Variants in BRME1 observed in about 807,000 individuals in gnomAD.
BRME1 encodes break repair meiotic recombinase recruitment factor 1.
Under a neutral mutation model 52.6 loss-of-function variants are expected in BRME1, and 31 were observed. The observed-to-expected ratio is 0.59, with a 90% CI of 0.44 to 0.80. BRME1 has a LOEUF of 0.80. Ranked by LOEUF, BRME1 falls within the 30% of genes least tolerant of loss-of-function variation. The pLI is 0.00. For missense variants in BRME1, 804 were observed against 860.3 expected (o/e 0.93, Z 0.82); for synonymous variants, 359 against 353.6 (o/e 1.02, Z -0.17).
intron 3 of BRME1, among the ~76,000 whole-genome samples, chr19:13,894,587 CT>C (rs1011347678): frequency 2.0e-5 from 3 of 152,082 alleles, no homozygotes; most frequent in Admixed American, 6.6e-5. Flanking sequence ...TATTTTATTT[CT>C]TGTAGATATG....
chr19:13,890,468 G>T lies in BRME1; in HGVS notation c.394-6C>A. The T allele has an allele frequency of 6.8e-7, 1 of 1,479,618 alleles. No homozygotes were observed. 91.7% of individuals were successfully genotyped at this position (1,479,618 alleles called of 1,614,324 possible). A position where few individuals can be genotyped will look rare whatever the true frequency, so the allele number is the denominator to read the frequency against. Reference sequence around the variant, plus strand: ...CTGGACTCTGCGATTGTTTCCTGTGGACAGAAAAAGACTCAGCCCCGGGGC... The same window carrying T: ...CTGGACTCTGCGATTGTTTCCTGTGTACAGAAAAAGACTCAGCCCCGGGGC... On this transcript the variant is annotated splice_polypyrimidine_tract_variant and splice_region_variant and intron_variant, in intron 5 of 8. Transcript: ENST00000586783.
At chr19:13,900,700 T>C (rs1430847914) in intron 2 of BRME1, among the ~76,000 whole-genome samples, 3 of 152,152 alleles carry the variant, frequency 2.0e-5, no homozygotes, top group Non-Finnish European at 4.4e-5. Flanking sequence ...GTTCCTTTTT[T>C]TTTTTAGACA....
Position 13,895,401 on chromosome 19 carries a change from G to A in BRME1, c.177C>T (p.His59=), listed in dbSNP as rs771964159. Residue 59 remains histidine, a synonymous_variant, in exon 3 of 9, where the codon CAC becomes CAT. Coordinates refer to ENST00000586783, the MANE Select transcript of BRME1 (RefSeq NM_001345843.2). ...KLGPVPSTQQ[H]GEEPGKAVSS... ...AGACGGCCTTTCCTGGTTCCTCCCC[G>A]TGCTGCTGTGTAGAGGGAACAGGTC... is the stretch of plus-strand genomic sequence containing the variant. 50 of 1,613,708 alleles carry A rather than the reference G, an allele frequency of 3.1e-5. No homozygotes were observed. The highest frequency in any genetic ancestry group is 1.2e-4 in the Admixed American group (7 of 59,962).
chr19:13,900,316 C>T (rs1441277126), intron 2 of BRME1, among the ~76,000 whole-genome samples: 2 of 152,200 alleles, frequency 1.3e-5, no homozygotes, highest in African/African-American at 4.8e-5. Context: ...CCTTCCAGCA[C>T]ACACAGAAAG....
intron 1 of BRME1, among the ~76,000 whole-genome samples, chr19:13,905,335 C>T (rs1970615710): frequency 6.6e-6 from 1 of 151,816 alleles, no homozygotes; most frequent in Non-Finnish European, 1.5e-5. Context: ...GGTGAAACCC[C>T]CTCTCTATTA....
chr19:13,902,223 C>T (rs1970342379), intron 2 of BRME1, among the ~76,000 whole-genome samples: 1 of 151,770 alleles, frequency 6.6e-6, no homozygotes, highest in Non-Finnish European at 1.5e-5. Flanking sequence ...CCTGTAATCC[C>T]AGCTACTCAG....
intron 5 of BRME1, among the ~76,000 whole-genome samples, chr19:13,891,296 C>T (rs1271060286): frequency 7.3e-5 from 11 of 151,476 alleles, no homozygotes; most frequent in African/African-American, 2.7e-4. Flanking sequence ...ATTACAGGCT[C>T]GCGCCACCAT....
In BRME1 at chr19:13,890,367, G is replaced by A. The variant is rs765847377; in HGVS notation, c.489C>T (p.Asp163=). ...GGCGGGCACTGTCTGCCTGCGTTGG[G>A]TCCCCCAGCTCCGTGGCCTCCTGGA... ...VPLQEATELG[D]PTQADSARPE... Residue 163 remains aspartate (D), a synonymous_variant, in exon 6 of 9, where the codon GAC becomes GAT. Transcript: ENST00000586783. 3.8e-6 allele frequency: 6 copies of A among 1,561,084 alleles called. No individual in the cohort carries two copies. In the South Asian group the frequency reaches 7.3e-5, roughly 19 times the overall value.
At chr19:13,902,360 G>A (rs551593994) in intron 2 of BRME1, among the ~76,000 whole-genome samples, 1 of 152,088 alleles carries the variant, frequency 6.6e-6, no homozygotes, top group South Asian at 2.1e-4. Context: ...TGAGCTGGGC[G>A]CGCTGGCTCA....
At chr19:13,904,839 A>C (rs1458115189) in intron 2 of BRME1, 23 bp downstream of exon 2, 1 of 1,611,664 alleles carries the variant, frequency 6.2e-7, no homozygotes, top group Non-Finnish European at 8.5e-7. Flanking sequence ...GAAATCAACA[A>C]GTGTCCATTT....
intron 3 of BRME1, 145 bp downstream of exon 3, chr19:13,895,227 C>T (rs1250538855): frequency 1.4e-5 from 11 of 772,814 alleles, no homozygotes; most frequent in Non-Finnish European, 2.2e-5. Context: ...GAAGCGAGAT[C>T]CGAGGGCCCT....
In BRME1 at chr19:13,890,159, G is replaced by A. The variant is rs771553371; in HGVS notation, c.697C>T (p.Gln233Ter). ...TCAATGCTTGGTAGGTGTTCCTTTT[G>A]GCCACCGTCACCTGGAACCCTGTCT... ...ETDRVPGDGG[Q>*]KEHLPSIDSE... Residue 233 changes from glutamine (Q) to a stop codon, truncating the protein, a stop_gained, in exon 6 of 9, where the codon CAA (glutamine) becomes TAA (stop). Transcript: ENST00000586783. LOFTEE classifies it high-confidence loss of function. 6.2e-7 allele frequency: 1 copy of A among 1,614,142 alleles called. No homozygotes were observed. Among genetic ancestry groups the A allele is most frequent in the South Asian group, 1.1e-5 (1 of 91,086 alleles).
At position 13,888,306 on chromosome 19, in the gene BRME1, G is replaced by A. The variant is rs1191804997; in HGVS notation, c.1668+882C>T. ...ATTGGACTCTGCGTTCCAGGACGCG[G>A]CGGCTGGGGCATGACCTGGGTGCCA... On this transcript the variant is annotated intron_variant, in intron 6 of 8. Transcript: ENST00000586783. This position sits in a 1 kb window ranked among gnomAD's most constrained non-coding sequence, Gnocchi z 4.1. The A allele has an allele frequency of 6.6e-6, 1 of 152,264 alleles. No individual in the cohort carries two copies. The highest frequency in any genetic ancestry group is 2.4e-5 in the African/African-American group (1 of 41,398). 9.4% of individuals were successfully genotyped at this position (152,264 alleles called of 1,614,324 possible). A position where few individuals can be genotyped will look rare whatever the true frequency, so the allele number is the denominator to read the frequency against.
In BRME1 at chr19:13,882,637, G is replaced by A. The variant is rs1010029797; in HGVS notation, c.*165C>T. 2.4e-6 allele frequency: 2 copies of A among 847,570 alleles called. No homozygotes were observed. Among genetic ancestry groups the A allele is most frequent in the Admixed American group, 2.6e-5 (1 of 38,928 alleles). The allele number at this position is 847,570 out of a possible 1,614,324, so 52.5% of individuals were successfully genotyped here. Reference sequence around the variant, plus strand: ...GGCAAATGACCTTGACCCTGGCCAGGTGAGGCCAGGACCTCACGGCCTCCT... The same window carrying A: ...GGCAAATGACCTTGACCCTGGCCAGATGAGGCCAGGACCTCACGGCCTCCT... On this transcript the variant is annotated 3_prime_UTR_variant, in exon 9 of 9. Transcript: ENST00000586783.
At chr19:13,904,394 A>G (rs1970507232) in intron 2 of BRME1, among the ~76,000 whole-genome samples, 1 of 151,996 alleles carries the variant, frequency 6.6e-6, no homozygotes, top group Admixed American at 6.6e-5. Context: ...GGCGTGAGCC[A>G]CCACACCGGC....
intron 1 of BRME1, among the ~76,000 whole-genome samples, chr19:13,905,198 C>A (rs1970600059): frequency 6.6e-6 from 1 of 152,060 alleles, no homozygotes; most frequent in African/African-American, 2.4e-5. Context: ...CCCGGGGACC[C>A]AGACTCTGGT....
At chr19:13,892,459 C>G (rs569945755) in intron 5 of BRME1, among the ~76,000 whole-genome samples, 13 of 151,868 alleles carry the variant, frequency 8.6e-5, no homozygotes, top group African/African-American at 2.7e-4. Flanking sequence ...GGTGGGCAGG[C>G]GTCTGTTATC....
rs531068531 is a variant in BRME1 at position 13,882,392 on chromosome 19, G to T, written c.*410C>A. 9 of 409,236 alleles carry T rather than the reference G, an allele frequency of 2.2e-5. No homozygotes were observed. Among genetic ancestry groups the T allele is most frequent in the Middle Eastern group, 6.2e-4 (1 of 1,612 alleles). The allele number at this position is 409,236 out of a possible 1,614,324, so 25.4% of individuals were successfully genotyped here. On this transcript the variant is annotated 3_prime_UTR_variant, in exon 9 of 9. Coordinates refer to ENST00000586783, the MANE Select transcript of BRME1 (RefSeq NM_001345843.2). ...TCATTTATTATGGGTCTTCCCAGAA[G>T]AAATAAAATGGAAATGGGGAGAAAG...
Position 13,888,652 on chromosome 19 carries a change from C to A in BRME1, c.1668+536G>T, listed in dbSNP as rs991669925. On this transcript the variant is annotated intron_variant, in intron 6 of 8. Coordinates refer to ENST00000586783, the MANE Select transcript of BRME1 (RefSeq NM_001345843.2). The surrounding 1 kb of genome is among the most constrained non-coding windows in gnomAD (Gnocchi z 4.1). ...CCCTGAAGGAGGCAAAGCCCTTACACGTTCTGGCAGAAAAACAAAATGACT... is the reference window on the plus strand; with the variant it reads ...CCCTGAAGGAGGCAAAGCCCTTACAAGTTCTGGCAGAAAAACAAAATGACT... Among the ~76,000 whole-genome samples, 2 of 152,238 alleles carry A rather than the reference C, an allele frequency of 1.3e-5. No homozygotes were observed. Among genetic ancestry groups the A allele is most frequent in the Non-Finnish European group, 2.9e-5 (2 of 68,038 alleles).
Sources: gnomAD v4.1 joint callset for allele counts (sites outside exome capture counted in the v4.1 genomes callset) on GRCh38, gnomAD v4.1.1 for gene constraint, Gnocchi (gnomAD v3.1) non-coding constraint, MANE v1.5 for transcripts, NCBI Gene and HGNC (gene_info 2026-07-23, HGNC 2026-07-21) for gene names.